PRKN: variants seen among roughly 807,000 people sequenced by gnomAD.
The protein encoded by PRKN is parkin RBR E3 ubiquitin protein ligase, also known as E3 ubiquitin-protein ligase parkin.
A neutral mutation model predicts 59.5 loss-of-function variants in PRKN; 56 were observed. The ratio of observed to expected loss-of-function variants is 0.94; its 90% CI spans 0.76 to 1.18. The LOEUF is 1.18. Among genes scored for constraint, PRKN ranks in the 50% most tolerant of loss-of-function variants. PRKN has a pLI of 0.00. For missense variants in PRKN, 657 were observed against 596.4 expected (o/e 1.10, Z -1.06); for synonymous variants, 250 against 222.1 (o/e 1.13, Z -1.12).
chr6:162,648,754 T>A (rs1433327305), intron 1 of PRKN, among the ~76,000 whole-genome samples: 1 of 152,186 alleles, frequency 6.6e-6, no homozygotes, highest in Non-Finnish European at 1.5e-5. Flanking sequence ...ACTGATCTCA[T>A]AGAGTGTGCA....
rs145814000 is a variant in PRKN, at chr6:161,657,940, C to T, written c.872-88524G>A. 3.0e-4 allele frequency among the ~76,000 whole-genome samples: 43 copies of T among 143,298 alleles called. 1 individual carries two copies. The South Asian group carries it at 3.4e-3, about 11-fold the overall frequency. The allele number at this position is 143,298 out of a possible 152,430, so 94.0% of individuals were successfully genotyped here. On this transcript the variant is annotated intron_variant, in intron 7 of 11. Coordinates refer to ENST00000366898, the MANE Select transcript of PRKN (RefSeq NM_004562.3). Reference sequence around the variant, plus strand: ...CTGAGGCAGGAGAATCGCTGGAACCCGGGAGGAGGAGGTTGCAGTGAGTGA... The same window carrying T: ...CTGAGGCAGGAGAATCGCTGGAACCTGGGAGGAGGAGGTTGCAGTGAGTGA...
At chr6:161,441,956 C>T (rs1789257660) in intron 9 of PRKN, among the ~76,000 whole-genome samples, 1 of 152,170 alleles carries the variant, frequency 6.6e-6, no homozygotes, top group South Asian at 2.1e-4. Context: ...GCTGGCCCTG[C>T]CTCATGCCAA....
At chr6:162,687,429 C>T (rs1562497570) in intron 1 of PRKN, among the ~76,000 whole-genome samples, 1 of 152,126 alleles carries the variant, frequency 6.6e-6, no homozygotes, top group East Asian at 1.9e-4. Flanking sequence ...CGTGATCCAC[C>T]CGCCTTGGCC....
intron 1 of PRKN, among the ~76,000 whole-genome samples, chr6:162,683,607 T>C (rs1779851582): frequency 6.6e-6 from 1 of 152,110 alleles, no homozygotes; most frequent in East Asian, 1.9e-4. Flanking sequence ...TTTTGGTATC[T>C]GATAAATTCA....
rs141825163 is a variant in PRKN, at chr6:162,262,690, T to C, written c.247A>G (p.Thr83Ala). The change falls in exon 3 of 12, where the codon ACT (threonine) becomes GCT (alanine). Residue 83 changes from threonine to alanine, a missense_variant. Coordinates refer to ENST00000366898, the MANE Select transcript of PRKN (RefSeq NM_004562.3). ...GCGTTTCTGGGGTCGTCGCCTCCAG[T>C]TGCATTCATTTCTTGACCTTTTCTC... The part of the protein sequence containing the change: ...PWRKGQEMNA[T>A]GGDDPRNAAG... The C allele has an allele frequency of 7.8e-5, 125 of 1,612,844 alleles. No homozygotes were observed. The highest frequency in any genetic ancestry group is 9.0e-5 in the Non-Finnish European group (106 of 1,179,916).
At chr6:162,591,959 A>G (rs1781327826) in intron 1 of PRKN, among the ~76,000 whole-genome samples, 1 of 150,814 alleles carries the variant, frequency 6.6e-6, no homozygotes. Context: ...ATACAGCTTC[A>G]CAGTTTACAA....
chr6:162,688,538 C>T (rs1263165929), intron 1 of PRKN, among the ~76,000 whole-genome samples: 1 of 152,098 alleles, frequency 6.6e-6, no homozygotes, highest in African/African-American at 2.4e-5. Context: ...ATACAATAGT[C>T]TTTATCTTTC....
At position 161,561,524 on chromosome 6, in the gene PRKN, A is replaced by G. The variant is rs1780453902; in HGVS notation, c.933+7831T>C. Among the ~76,000 whole-genome samples the G allele has an allele frequency of 6.6e-6, 1 of 152,142 alleles. No individual in the cohort carries two copies. The highest frequency in any genetic ancestry group is 2.1e-4 in the South Asian group (1 of 4,826). ...TGACATCTTCCTTCGTGGAGCCATC[A>G]TACTGCATCTCTCCTCTTCACATCC... On this transcript the variant is annotated intron_variant, in intron 8 of 11. Coordinates refer to ENST00000366898, the MANE Select transcript of PRKN (RefSeq NM_004562.3). The surrounding 1 kb of genome is among the most constrained non-coding windows in gnomAD (Gnocchi z 5.0).
At position 161,550,319 on chromosome 6, in the gene PRKN, A is replaced by T. The variant is rs181562651; in HGVS notation, c.934-1316T>A. ...AGAACCCTGGGTGTTATTCTGGAAG[A>T]TACCAGAACCACTGCAGAACTCTGA... On this transcript the variant is annotated intron_variant, in intron 8 of 11. Coordinates refer to ENST00000366898, the MANE Select transcript of PRKN (RefSeq NM_004562.3). The surrounding 1 kb of genome is among the most constrained non-coding windows in gnomAD (Gnocchi z 4.0). Among the ~76,000 whole-genome samples the T allele has an allele frequency of 1.2e-4, 18 of 152,350 alleles. No homozygotes were observed. The highest frequency in any genetic ancestry group is 4.3e-4 in the African/African-American group (18 of 41,584).
chr6:161,866,591 G>T (rs368611999), intron 6 of PRKN, among the ~76,000 whole-genome samples: 131 of 152,110 alleles, frequency 8.6e-4, no homozygotes, highest in African/African-American at 3.0e-3. Flanking sequence ...GAAAAGAAAA[G>T]AAAAGAAAAT....
At chr6:161,962,550 T>A in intron 6 of PRKN, among the ~76,000 whole-genome samples, 1 of 151,298 alleles carries the variant, frequency 6.6e-6, no homozygotes. Flanking sequence ...CTTTTTTTTT[T>A]TTTTTTTTGA....
At chr6:161,517,319 A>C (rs543635034) in intron 9 of PRKN, among the ~76,000 whole-genome samples, 1 of 152,250 alleles carries the variant, frequency 6.6e-6, no homozygotes, top group South Asian at 2.1e-4. Context: ...TAGAATCACC[A>C]AATTTGGCTA....
chr6:162,677,167 AG>A (rs1779584529), intron 1 of PRKN, among the ~76,000 whole-genome samples: 1 of 151,910 alleles, frequency 6.6e-6, no homozygotes, highest in Non-Finnish European at 1.5e-5. Context: ...TTCTGATCAC[AG>A]GGCATAGGAG....
At chr6:161,596,888 G>A (rs904135101) in intron 7 of PRKN, among the ~76,000 whole-genome samples, 4 of 152,178 alleles carry the variant, frequency 2.6e-5, no homozygotes, top group Non-Finnish European at 4.4e-5. Flanking sequence ...CTCGGCAGCA[G>A]GGACTCTCTG....
At chr6:162,339,157 G>C (rs1784010495) in intron 2 of PRKN, among the ~76,000 whole-genome samples, 1 of 149,422 alleles carries the variant, frequency 6.7e-6, no homozygotes, top group South Asian at 2.1e-4. Flanking sequence ...TCTGAGAAGT[G>C]AGGAGCCTCT....
chr6:162,435,232 T>C (rs763504747), intron 2 of PRKN, among the ~76,000 whole-genome samples: 3 of 152,202 alleles, frequency 2.0e-5, no homozygotes, highest in Middle Eastern at 3.2e-3. Flanking sequence ...CTCTCACACA[T>C]TGCTTGCCTT....
chr6:162,361,951 G>A (rs915400503), intron 2 of PRKN, among the ~76,000 whole-genome samples: 4 of 152,050 alleles, frequency 2.6e-5, no homozygotes, highest in Admixed American at 6.6e-5. Flanking sequence ...ATTCCACCCC[G>A]AAAAGAAGGA....
At chr6:162,281,368 A>C (rs894185772) in intron 2 of PRKN, among the ~76,000 whole-genome samples, 4 of 152,142 alleles carry the variant, frequency 2.6e-5, no homozygotes, top group African/African-American at 9.7e-5. Flanking sequence ...TTACCTATGT[A>C]ACAAACCTAC....
chr6:162,236,030 C>T (rs1778695395), intron 3 of PRKN, among the ~76,000 whole-genome samples: 1 of 129,018 alleles, frequency 7.8e-6, no homozygotes, highest in Non-Finnish European at 1.7e-5. Flanking sequence ...AGAAACTCCT[C>T]ACCCTTCAGT....
Sources: allele counts gnomAD v4.1 joint callset (sites outside exome capture counted in the v4.1 genomes callset), GRCh38; gene constraint gnomAD v4.1.1; non-coding constraint Gnocchi (gnomAD v3.1); transcripts MANE v1.5; gene names NCBI Gene and HGNC (gene_info 2026-07-23, HGNC 2026-07-21).